Variants in RDX observed in about 807,000 individuals in gnomAD.
The protein encoded by RDX is radixin.
A neutral mutation model predicts 83.7 loss-of-function variants in RDX; 32 were observed. The observed-to-expected ratio is 0.38, with a 90% CI of 0.29 to 0.51. RDX has a LOEUF of 0.51. Ranked by LOEUF, RDX falls within the 20% of genes least tolerant of loss-of-function variation. RDX has a pLI of 0.87. For synonymous variants in RDX, 229 were observed against 222.7 expected (o/e 1.03, Z -0.25); for missense variants, 600 against 689.9 (o/e 0.87, Z 1.46).
chr11:110,282,141 C>G (rs923002839), intron 1 of RDX, among the ~76,000 whole-genome samples: 4 of 151,994 alleles, frequency 2.6e-5, no homozygotes, highest in Admixed American at 6.6e-5. Context: ...AGAAAAATTG[C>G]TTCATCTCAC....
chr11:110,247,712 CT>C lies in RDX; in HGVS notation c.1080del (p.Ala361LeufsTer5). ...AAAAAGAAACTTTTACCTTTCTGAG[CT>C]TTAATTGTCTGCTCTTCAATTTGTT... ...RLKQIEEQTIKAQKELEEQTR... is the reference protein window; with the variant it reads ...RLKQIEEQTIXAQKELEEQTR... On this transcript the variant is annotated frameshift_variant, in exon 10 of 14. Transcript: ENST00000645495. LOFTEE classifies it high-confidence loss of function. The C allele has an allele frequency of 6.2e-7, 1 of 1,611,792 alleles. No homozygotes were observed. Among genetic ancestry groups the C allele is most frequent in the East Asian group, 2.2e-5 (1 of 44,742 alleles).
At chr11:110,200,253 A>G (rs1863354022) in intron 14 of RDX, 1 of 153,732 alleles carries the variant, frequency 6.5e-6, no homozygotes, top group African/African-American at 2.4e-5. Flanking sequence ...TGGATAGGTT[A>G]AGACAAACAA....
intron 3 of RDX, among the ~76,000 whole-genome samples, chr11:110,270,320 G>T (rs981646791): frequency 2.0e-5 from 3 of 151,804 alleles, no homozygotes; most frequent in African/African-American, 7.3e-5. Context: ...TTACTATATT[G>T]AATACTGTAG....
At chr11:110,255,636 T>TA (rs1158986998) in intron 7 of RDX, among the ~76,000 whole-genome samples, 2 of 152,156 alleles carry the variant, frequency 1.3e-5, no homozygotes, top group East Asian at 1.9e-4. Context: ...TAAAATTATC[T>TA]AAAAAAACTA....
chr11:110,180,656 T>A (rs1216847610), intron 15 of RDX, among the ~76,000 whole-genome samples: 1 of 27,136 alleles, frequency 3.7e-5, no homozygotes, highest in Non-Finnish European at 6.5e-5. Flanking sequence ...TCTCAGAACT[T>A]TTTTTTTTTT....
chr11:110,193,475 T>C (rs1863141398), intron 15 of RDX, among the ~76,000 whole-genome samples: 1 of 152,146 alleles, frequency 6.6e-6, no homozygotes, highest in South Asian at 2.1e-4. Context: ...CATCATGCAA[T>C]AAATTCATGT....
At chr11:110,243,772 C>G (rs1438198055) in intron 10 of RDX, among the ~76,000 whole-genome samples, 1 of 151,956 alleles carries the variant, frequency 6.6e-6, no homozygotes, top group South Asian at 2.1e-4. Context: ...TAGAAAGACA[C>G]TCAACGTCAC....
intron 14 of RDX, among the ~76,000 whole-genome samples, chr11:110,201,315 G>A (rs1182916409): frequency 6.6e-6 from 1 of 152,060 alleles, no homozygotes. Context: ...AAGGAGCAGA[G>A]AGAGCAAAGG....
At chr11:110,184,201 G>A (rs1364557512) in intron 15 of RDX, among the ~76,000 whole-genome samples, 1 of 152,210 alleles carries the variant, frequency 6.6e-6, no homozygotes, top group Admixed American at 6.5e-5. Context: ...CAACAGGGAT[G>A]TTCACCAAAT....
At chr11:110,270,550 A>G (rs1860261819) in intron 3 of RDX, among the ~76,000 whole-genome samples, 1 of 152,248 alleles carries the variant, frequency 6.6e-6, no homozygotes, top group Non-Finnish European at 1.5e-5. Flanking sequence ...CGCACTTTAC[A>G]TAGATTTTCA....
At chr11:110,235,321 C>G (rs892993179) in intron 12 of RDX, among the ~76,000 whole-genome samples, 2 of 152,150 alleles carry the variant, frequency 1.3e-5, no homozygotes, top group African/African-American at 4.8e-5. Context: ...GCCTGGGACA[C>G]AGAGTAAGAC....
intron 2 of RDX, among the ~76,000 whole-genome samples, chr11:110,273,266 C>T (rs1410021674): frequency 6.6e-6 from 1 of 152,206 alleles, no homozygotes. Context: ...TGAGGTCTAA[C>T]TCCAAATTCT....
intron 15 of RDX, among the ~76,000 whole-genome samples, chr11:110,187,994 G>A (rs1180109832): frequency 6.6e-6 from 1 of 152,120 alleles, no homozygotes; most frequent in East Asian, 1.9e-4. Flanking sequence ...TTCATAAAAA[G>A]AACAAAAGAA....
At chr11:110,177,219 C>T (rs1045920042) in intron 15 of RDX, among the ~76,000 whole-genome samples, 2 of 152,220 alleles carry the variant, frequency 1.3e-5, no homozygotes, top group Non-Finnish European at 2.9e-5. Flanking sequence ...CCAACCACTC[C>T]CTGGCTGAGG....
chr11:110,190,386 G>A lies in RDX; in HGVS notation c.*31+9195C>T, dbSNP rs549899407. Among the ~76,000 whole-genome samples the A allele has an allele frequency of 1.9e-3, 291 of 152,254 alleles. 2 individuals carry two copies. Among genetic ancestry groups the A allele is most frequent in the African/African-American group, 4.8e-3 (198 of 41,552 alleles). ...CGGGAAGCAGAGGCTGCAGTAAGCCGGAGGCTGCAGTGAGCCGAGACTGTG... is the reference window on the plus strand; with the variant it reads ...CGGGAAGCAGAGGCTGCAGTAAGCCAGAGGCTGCAGTGAGCCGAGACTGTG... On this transcript the variant is annotated intron_variant, in intron 15 of 15. Coordinates refer to the RDX transcript ENST00000528498.
At chr11:110,249,746 T>C in intron 9 of RDX, among the ~76,000 whole-genome samples, 1 of 152,138 alleles carries the variant, frequency 6.6e-6, no homozygotes, top group East Asian at 1.9e-4. Flanking sequence ...ATGGTGTGTG[T>C]ACCCATAGTC....
intron 11 of RDX, among the ~76,000 whole-genome samples, chr11:110,237,140 C>CATATA (rs1555037795): frequency 1.4e-5 from 2 of 144,334 alleles, no homozygotes; most frequent in African/African-American, 5.5e-5. Context: ...ATAACTATAA[C>CATATA]ATATATCTAT....
rs150939592 is a variant in RDX at position 110,238,338 on chromosome 11, T to C, written c.1091-686A>G. ...TGCATAGATCACTAAATCAACTCTT[T>C]TCTTATTCCAATGAGTTGAACAGGA... is the stretch of plus-strand genomic sequence containing the variant. On this transcript the variant is annotated intron_variant, in intron 10 of 13. Transcript: ENST00000645495. 4.6e-5 allele frequency among the ~76,000 whole-genome samples: 7 copies of C among 152,352 alleles called. No homozygotes were observed. The East Asian group carries it at 1.4e-3, about 29-fold the overall frequency.
chr11:110,235,933 CAA>C (rs1273169058), intron 12 of RDX, among the ~76,000 whole-genome samples, 164 bp downstream of exon 12: 1 of 152,192 alleles, frequency 6.6e-6, no homozygotes, highest in Non-Finnish European at 1.5e-5. Flanking sequence ...TCTGTGTTCC[CAA>C]AGTACTTGGT....
Sources: allele counts gnomAD v4.1 joint callset (sites outside exome capture counted in the v4.1 genomes callset), GRCh38; gene constraint gnomAD v4.1.1; transcripts MANE v1.5; gene names NCBI Gene and HGNC (gene_info 2026-07-23, HGNC 2026-07-21).